EXD3: variants seen among roughly 807,000 people sequenced by gnomAD.
EXD3 encodes exonuclease 3'-5' domain containing 3.
Under a neutral mutation model 98.0 loss-of-function variants are expected in EXD3, and 92 were observed. The ratio of observed to expected loss-of-function variants is 0.94; its 90% CI spans 0.79 to 1.12. The LOEUF (loss-of-function observed/expected upper bound fraction) is 1.12, where lower values mean the gene tolerates loss of function less well. Among genes scored for constraint, EXD3 ranks in the 50% most tolerant of loss-of-function variants. The pLI, the probability that EXD3 is intolerant of heterozygous loss-of-function variation, is 0.00. For synonymous variants in EXD3, 569 were observed against 526.0 expected (o/e 1.08, Z -1.12); for missense variants, 1,222 against 1,191.6 (o/e 1.03, Z -0.38).
rs932610028 is a variant in EXD3, at chr9:137,393,055, G to A, written c.55+2248C>T. ...CCATTAGTGTTCCAGGGGGTGCTGA[G>A]GCTGTTCCAGGGGGCACCGAGGCTG... On this transcript the variant is annotated intron_variant, in intron 2 of 21. Transcript: ENST00000340951. The surrounding 1 kb of genome is among the most constrained non-coding windows in gnomAD (Gnocchi z 4.6). 6.0e-5 allele frequency: 39 copies of A among 653,932 alleles called. No homozygotes were observed. The highest frequency in any genetic ancestry group is 6.0e-5 in the Non-Finnish European group (22 of 366,302). The allele number at this position is 653,932 out of a possible 1,614,324, so 40.5% of individuals were successfully genotyped here.
intron 20 of EXD3, among the ~76,000 whole-genome samples, chr9:137,309,225 G>C (rs766513156): frequency 4.6e-5 from 7 of 152,242 alleles, no homozygotes; most frequent in Non-Finnish European, 8.8e-5. Flanking sequence ...CCTTCCCTGG[G>C]GGGGTGGACA....
At chr9:137,325,812 G>C (rs1055020721) in intron 17 of EXD3, among the ~76,000 whole-genome samples, 1 of 152,156 alleles carries the variant, frequency 6.6e-6, no homozygotes, top group Non-Finnish European at 1.5e-5. Flanking sequence ...AGAAGAGGCT[G>C]GGCAAGGCGG....
intron 5 of EXD3, among the ~76,000 whole-genome samples, chr9:137,369,593 A>G (rs1239571147): frequency 2.2e-5 from 3 of 138,198 alleles, no homozygotes; most frequent in Non-Finnish European, 4.7e-5. Context: ...GCCTTCCCTC[A>G]CCGCTGCTGT....
rs1326928383 is a variant in EXD3 at position 137,320,403 on chromosome 9, C to A, written c.2184+3322G>T. ...GACAGCTGGCGCTGCCCTCTCCAGC[C>A]TGGACAGTTGCTGGCCCCCCACGGG... On this transcript the variant is annotated intron_variant, in intron 19 of 21. Transcript: ENST00000340951. 3.3e-5 allele frequency among the ~76,000 whole-genome samples: 5 copies of A among 152,226 alleles called. 1 individual carries two copies. In the East Asian group the frequency reaches 9.6e-4, roughly 29 times the overall value.
rs185017431 is a variant in EXD3, at chr9:137,340,348, G to A, written c.1998+7723C>T. 2.6e-5 allele frequency among the ~76,000 whole-genome samples: 4 copies of A among 152,034 alleles called. No individual in the cohort carries two copies. The East Asian group carries it at 5.8e-4, about 22-fold the overall frequency. On this transcript the variant is annotated intron_variant, in intron 17 of 21. Transcript: ENST00000340951. ...AAAAATTAGCTGGGTGTGGCGGTGC[G>A]TGCCTGTAATCCCAGCTACTCAGGA...
chr9:137,348,627 GA>G (rs1834073227), intron 16 of EXD3, among the ~76,000 whole-genome samples: 2 of 112,732 alleles, frequency 1.8e-5, no homozygotes, highest in Admixed American at 8.1e-5. Flanking sequence ...GTTAGACAGA[GA>G]GGGGTGGGGA....
intron 17 of EXD3, among the ~76,000 whole-genome samples, chr9:137,325,099 A>T (rs1832318918): frequency 6.6e-6 from 1 of 152,230 alleles, no homozygotes; most frequent in East Asian, 1.9e-4. Context: ...ATTTCCACAC[A>T]GTCCACTGCA....
At chr9:137,406,590 G>A (rs1432947610) in intron 1 of EXD3, among the ~76,000 whole-genome samples, 1 of 152,212 alleles carries the variant, frequency 6.6e-6, no homozygotes, top group African/African-American at 2.4e-5. Context: ...CTGCACCAAC[G>A]CACCCCTCGA....
intron 1 of EXD3, among the ~76,000 whole-genome samples, chr9:137,414,656 T>G (rs747681165): frequency 6.6e-6 from 1 of 152,196 alleles, no homozygotes; most frequent in Non-Finnish European, 1.5e-5. Flanking sequence ...CTTACCAATT[T>G]AACTTAAGGA....
At chr9:137,375,812 A>G (rs1043072919) in intron 3 of EXD3, among the ~76,000 whole-genome samples, 3 of 152,176 alleles carry the variant, frequency 2.0e-5, no homozygotes, top group Non-Finnish European at 4.4e-5. Context: ...AGGTCACCAG[A>G]GGGAAAAAGT....
rs772341387 is a variant in EXD3 at position 137,348,223 on chromosome 9, C to A, written c.1846G>T (p.Ala616Ser). Residue 616 changes from alanine (A) to serine (S), a missense_variant, in exon 17 of 22, where the codon GCT becomes TCT. Transcript: ENST00000340951. ...AAPRQVPVAV[A>S]VSEGAAPQIP... is the part of the protein sequence containing the mutation. ...TGAGGGGCAGCGCCCTCAGACACAG[C>A]CACAGCCACAGGGACCTGCAGTGAG... 8.1e-6 allele frequency: 13 copies of A among 1,611,264 alleles called. No homozygotes were observed. The highest frequency in any genetic ancestry group is 1.0e-5 in the Non-Finnish European group (12 of 1,179,472).
chr9:137,344,182 C>T (rs549111089), intron 17 of EXD3, among the ~76,000 whole-genome samples: 154 of 152,192 alleles, frequency 1.0e-3, no homozygotes, highest in Middle Eastern at 3.4e-3. Flanking sequence ...TGAGCCACTG[C>T]GCCCGGCCTG....
chr9:137,398,278 G>T (rs1407765178), intron 1 of EXD3, among the ~76,000 whole-genome samples: 1 of 152,216 alleles, frequency 6.6e-6, no homozygotes, highest in East Asian at 1.9e-4. Flanking sequence ...TGGCTCTGGG[G>T]TTCACACGCT....
chr9:137,315,883 G>A (rs1458583707), intron 19 of EXD3, among the ~76,000 whole-genome samples: 1 of 151,638 alleles, frequency 6.6e-6, no homozygotes, highest in South Asian at 2.1e-4. Context: ...GTCCCAACAC[G>A]GTGCCCTGGG....
intron 17 of EXD3, among the ~76,000 whole-genome samples, chr9:137,332,103 G>A (rs1271502456): frequency 1.3e-5 from 2 of 152,054 alleles, no homozygotes; most frequent in African/African-American, 2.4e-5. Context: ...GCAAACAAAT[G>A]GAAATACATC....
intron 2 of EXD3, among the ~76,000 whole-genome samples, chr9:137,390,065 T>C (rs1394602076): frequency 4.0e-5 from 5 of 126,386 alleles, no homozygotes; most frequent in Non-Finnish European, 6.2e-5. Flanking sequence ...GAGGTTGCAG[T>C]GAGCCAAGGT....
chr9:137,323,764 G>T lies in EXD3; in HGVS notation c.2145C>A (p.Asn715Lys), dbSNP rs746164296. ...AGATGTCTGCGTGGGTGACACGCAC[G>T]TTGAAATGCTTGAGCACAGCCTTGG... ...QQAKAVLKHF[N>K]VRVTHADIFS... is the part of the protein sequence containing the mutation. Residue 715 changes from asparagine to lysine, a missense_variant, in exon 19 of 22, where the codon AAC (asparagine) becomes AAA (lysine). Transcript: ENST00000340951. 1 of 1,612,404 alleles carries T rather than the reference G, an allele frequency of 6.2e-7. No homozygotes were observed. The highest frequency in any genetic ancestry group is 8.5e-7 in the Non-Finnish European group (1 of 1,179,742).
Position 137,347,432 on chromosome 9 carries a change from T to C in EXD3, c.1998+639A>G, listed in dbSNP as rs1305824775. 6.6e-6 allele frequency among the ~76,000 whole-genome samples: 1 copy of C among 151,858 alleles called. No individual in the cohort carries two copies. Among genetic ancestry groups the C allele is most frequent in the African/African-American group, 2.4e-5 (1 of 41,264 alleles). On this transcript the variant is annotated intron_variant, in intron 17 of 21. Coordinates refer to ENST00000340951, the MANE Select transcript of EXD3 (RefSeq NM_017820.5). This position sits in a 1 kb window ranked among gnomAD's most constrained non-coding sequence, Gnocchi z 4.2. ...GCTTTGAATCTCTCTGTCTTCTGTG[T>C]TCCATTCCTGCTTTTTTTCTTTTTT...
rs1191686442 is a variant in EXD3, at chr9:137,413,662, C to T, written c.-48+9452G>A. On this transcript the variant is annotated intron_variant, in intron 1 of 21. Transcript: ENST00000340951. ...GACTACAGGCGCCCACTACCACACC[C>T]GGCTAAGTTTTATATTTCTGGTAGA... Among the ~76,000 whole-genome samples the T allele has an allele frequency of 2.6e-5, 4 of 151,830 alleles. No homozygotes were observed. In the East Asian group the frequency reaches 5.8e-4, roughly 22 times the overall value.
Sources: gnomAD v4.1 joint callset for allele counts (sites outside exome capture counted in the v4.1 genomes callset) on GRCh38, gnomAD v4.1.1 for gene constraint, Gnocchi (gnomAD v3.1) non-coding constraint, MANE v1.5 for transcripts, NCBI Gene and HGNC (gene_info 2026-07-23, HGNC 2026-07-21) for gene names.